Variants in NRG1 observed in about 807,000 individuals in gnomAD.
The protein encoded by NRG1 is neuregulin 1, also known as pro-neuregulin-1, membrane-bound isoform.
Under a neutral mutation model 63.8 loss-of-function variants are expected in NRG1, and 18 were observed. The ratio of observed to expected loss-of-function variants is 0.28; its 90% CI spans 0.19 to 0.42. The LOEUF is 0.42. Ranked by LOEUF, NRG1 falls within the 10% of genes least tolerant of loss-of-function variation. NRG1 has a pLI of 1.00. For synonymous variants in NRG1, 302 were observed against 301.3 expected (o/e 1.00, Z -0.02); for missense variants, 762 against 814.7 (o/e 0.94, Z 0.79).
At chr8:32,391,031 A>G (rs1409365465) in intron 1 of NRG1, among the ~76,000 whole-genome samples, 1 of 152,186 alleles carries the variant, frequency 6.6e-6, no homozygotes, top group Non-Finnish European at 1.5e-5. Flanking sequence ...TTTCTTACAC[A>G]CAACTTATTT....
chr8:32,758,614 G>C (rs1248348766), intron 9 of NRG1, among the ~76,000 whole-genome samples: 1 of 126,670 alleles, frequency 7.9e-6, no homozygotes, highest in Non-Finnish European at 1.7e-5. Flanking sequence ...GAGAAGAAAA[G>C]AAAAGAAAGA....
chr8:32,738,098 C>T (rs887425343), intron 6 of NRG1, among the ~76,000 whole-genome samples: 4 of 152,034 alleles, frequency 2.6e-5, no homozygotes, highest in African/African-American at 9.7e-5. Context: ...ATTAGAGATA[C>T]AAAATGATCA....
At chr8:32,284,936 C>T (rs966989770) in intron 1 of NRG1, among the ~76,000 whole-genome samples, 8 of 152,172 alleles carry the variant, frequency 5.3e-5, no homozygotes, top group African/African-American at 1.7e-4. Context: ...ACAACTGGCA[C>T]GGTAAAGAAT....
intron 1 of NRG1, among the ~76,000 whole-genome samples, chr8:31,685,695 A>G (rs1431368086): frequency 6.6e-6 from 1 of 152,182 alleles, no homozygotes; most frequent in East Asian, 1.9e-4. Context: ...GCAACTACTT[A>G]CGTACTTTTT....
intron 5 of NRG1, among the ~76,000 whole-genome samples, chr8:32,690,870 T>C (rs1248383371): frequency 6.6e-6 from 1 of 151,994 alleles, no homozygotes; most frequent in African/African-American, 2.4e-5. Context: ...TAGGAGTATC[T>C]GGCTGCTATC....
At chr8:31,867,342 T>C (rs1167623959) in intron 1 of NRG1, among the ~76,000 whole-genome samples, 2 of 152,194 alleles carry the variant, frequency 1.3e-5, no homozygotes, top group African/African-American at 4.8e-5. Context: ...TTATTATTAA[T>C]TTGGTTTAAG....
chr8:32,281,702 T>A (rs952716973), intron 1 of NRG1, among the ~76,000 whole-genome samples: 3 of 152,108 alleles, frequency 2.0e-5, no homozygotes, highest in African/African-American at 7.2e-5. Flanking sequence ...TAAGATGAGC[T>A]AAGTGAGGTG....
At chr8:31,924,874 A>G (rs73580630) in intron 1 of NRG1, among the ~76,000 whole-genome samples, 5,859 of 151,602 alleles carry the variant, frequency 0.039, 388 homozygotes, top group African/African-American at 0.13. Context: ...TATTTAAAAA[A>G]TATGTTGCTT....
intron 1 of NRG1, among the ~76,000 whole-genome samples, chr8:31,718,445 T>C (rs1812578483): frequency 6.6e-6 from 1 of 152,204 alleles, no homozygotes. Context: ...TCATACTTTA[T>C]AGCAGGGCAC....
At chr8:31,902,605 C>T (rs747104936) in intron 1 of NRG1, among the ~76,000 whole-genome samples, 1 of 151,806 alleles carries the variant, frequency 6.6e-6, no homozygotes, top group Admixed American at 6.6e-5. Context: ...AGGATGGGTA[C>T]AAAAGTCATT....
chr8:32,115,869 A>G (rs763319659), intron 1 of NRG1, among the ~76,000 whole-genome samples: 9 of 152,142 alleles, frequency 5.9e-5, no homozygotes, highest in African/African-American at 2.2e-4. Flanking sequence ...TGCCAAGTCA[A>G]TGCTCTTGAC....
At chr8:32,048,051 C>T (rs1051412198) in intron 1 of NRG1, among the ~76,000 whole-genome samples, 1 of 151,882 alleles carries the variant, frequency 6.6e-6, no homozygotes, top group Non-Finnish European at 1.5e-5. Flanking sequence ...CCTCCAGGCT[C>T]ATCCATCTTA....
intron 1 of NRG1, among the ~76,000 whole-genome samples, chr8:31,845,285 C>T (rs981950463): frequency 6.6e-6 from 1 of 152,038 alleles, no homozygotes; most frequent in East Asian, 1.9e-4. Context: ...CTCCAGGGTT[C>T]ATAGCTTGTT....
chr8:31,918,793 G>A (rs1029108778), intron 1 of NRG1, among the ~76,000 whole-genome samples: 1 of 151,874 alleles, frequency 6.6e-6, no homozygotes, highest in African/African-American at 2.4e-5. Context: ...GTTCCTCCTT[G>A]TACCTCTGGT....
At chr8:32,735,695 C>T (rs1459560096) in intron 6 of NRG1, among the ~76,000 whole-genome samples, 1 of 152,156 alleles carries the variant, frequency 6.6e-6, no homozygotes, top group African/African-American at 2.4e-5. Context: ...TGACCCCCAA[C>T]TTAAGGATTC....
At chr8:31,766,502 A>G (rs1290123708) in intron 1 of NRG1, among the ~76,000 whole-genome samples, 1 of 152,212 alleles carries the variant, frequency 6.6e-6, no homozygotes, top group East Asian at 1.9e-4. Context: ...GAGGAAGGAC[A>G]ACAAGCCCCT....
At chr8:32,292,832 T>C (rs944097097) in intron 1 of NRG1, among the ~76,000 whole-genome samples, 2 of 151,974 alleles carry the variant, frequency 1.3e-5, no homozygotes, top group Non-Finnish European at 2.9e-5. Flanking sequence ...TGGGCTGGGC[T>C]CGGTGGCTCA....
intron 1 of NRG1, among the ~76,000 whole-genome samples, chr8:32,100,579 T>A (rs977473830): frequency 3.3e-5 from 5 of 151,616 alleles, no homozygotes; most frequent in African/African-American, 7.3e-5. Flanking sequence ...TCTTTTTTTT[T>A]AATGTATTTA....
intron 1 of NRG1, among the ~76,000 whole-genome samples, chr8:32,442,220 T>G (rs1025577316): frequency 1.3e-5 from 2 of 151,644 alleles, no homozygotes; most frequent in Non-Finnish European, 2.9e-5. Context: ...GGGAGAAGAG[T>G]GTTTGCTTTT....
Sources: gnomAD v4.1 joint callset for allele counts (sites outside exome capture counted in the v4.1 genomes callset) on GRCh38, gnomAD v4.1.1 for gene constraint, MANE v1.5 for transcripts, NCBI Gene and HGNC (gene_info 2026-07-23, HGNC 2026-07-21) for gene names.